LRP1B: variants seen among roughly 807,000 people sequenced by gnomAD.
The protein encoded by LRP1B is low-density lipoprotein receptor-related protein 1B.
LRP1B carries 217 observed loss-of-function variants against 556.6 expected under a neutral mutation model. The ratio of observed to expected loss-of-function variants is 0.39; its 90% confidence interval spans 0.35 to 0.44. LRP1B has a LOEUF of 0.44. LRP1B is among the 20% of genes least tolerant of loss of function. The pLI, the probability that LRP1B is intolerant of heterozygous loss-of-function variation, is 1.00. For synonymous variants in LRP1B, 2,047 were observed against 1,865.8 expected (o/e 1.10, Z -2.50); for missense variants, 5,053 against 5,620.8 (o/e 0.90, Z 3.23).
chr2:141,743,152 G>A (rs1478400129), intron 2 of LRP1B, among the ~76,000 whole-genome samples: 1 of 151,836 alleles, frequency 6.6e-6, no homozygotes, highest in African/African-American at 2.4e-5. Flanking sequence ...AAGGGATGTT[G>A]AATTTTATCA....
chr2:140,696,237 T>C (rs1220423914), intron 41 of LRP1B, among the ~76,000 whole-genome samples: 2 of 152,082 alleles, frequency 1.3e-5, no homozygotes, highest in Admixed American at 6.6e-5. Context: ...TTTTGAGGGT[T>C]TTAGTTTTGA....
intron 7 of LRP1B, among the ~76,000 whole-genome samples, chr2:141,180,177 C>A (rs965845712): frequency 2.0e-5 from 3 of 151,414 alleles, no homozygotes; most frequent in African/African-American, 4.8e-5. Context: ...ACTAGAATAA[C>A]CATATCTTCT....
chr2:141,083,934 AT>A (rs1193685248), intron 7 of LRP1B, among the ~76,000 whole-genome samples: 1 of 152,238 alleles, frequency 6.6e-6, no homozygotes, highest in East Asian at 1.9e-4. Flanking sequence ...GCAACAGAAA[AT>A]GAACTAAGAT....
chr2:141,304,594 C>T (rs1474835933), intron 3 of LRP1B, among the ~76,000 whole-genome samples: 1 of 150,946 alleles, frequency 6.6e-6, no homozygotes, highest in African/African-American at 2.4e-5. Context: ...ATTATCCTGC[C>T]TCAGCCTACT....
At position 141,035,373 on chromosome 2, in the gene LRP1B, T is replaced by A. The variant is rs561459824; in HGVS notation, c.1789+13613A>T. 9.6e-4 allele frequency among the ~76,000 whole-genome samples: 136 copies of A among 141,534 alleles called. 1 individual carries two copies. In the South Asian group the frequency reaches 0.027, roughly 28 times the overall value. 92.9% of individuals were successfully genotyped at this position (141,534 alleles called of 152,430 possible). ...AGTACAATAATAATAATAATAATAA[T>A]AAAAAAATCTTTTCAGTATTGTTAT... On this transcript the variant is annotated intron_variant, in intron 11 of 90. Coordinates refer to ENST00000389484, the MANE Select transcript of LRP1B (RefSeq NM_018557.3).
intron 1 of LRP1B, among the ~76,000 whole-genome samples, chr2:141,895,062 A>G (rs1558945937): frequency 1.3e-5 from 2 of 150,686 alleles, no homozygotes; most frequent in African/African-American, 4.9e-5. Context: ...AAAAAAAAAA[A>G]AAAAGAAAAG....
intron 82 of LRP1B, among the ~76,000 whole-genome samples, chr2:140,320,442 G>A (rs1680047542): frequency 6.6e-6 from 1 of 152,156 alleles, no homozygotes; most frequent in Non-Finnish European, 1.5e-5. Flanking sequence ...TGGAGATGCT[G>A]ACTGTGAGGG....
chr2:140,274,399 T>A (rs1682584229), intron 85 of LRP1B, 25 bp downstream of exon 85: 27 of 1,605,590 alleles, frequency 1.7e-5, no homozygotes, highest in Non-Finnish European at 2.2e-5. Context: ...AATGCTTTTA[T>A]AAATTAAGCT....
chr2:140,304,487 C>A (rs1683978122), intron 83 of LRP1B, among the ~76,000 whole-genome samples: 1 of 152,126 alleles, frequency 6.6e-6, no homozygotes, highest in South Asian at 2.1e-4. Context: ...ATATCCTTCA[C>A]CCAGTTTTTG....
chr2:141,311,895 G>A (rs1412155183), intron 3 of LRP1B, among the ~76,000 whole-genome samples: 1 of 152,136 alleles, frequency 6.6e-6, no homozygotes, highest in Non-Finnish European at 1.5e-5. Context: ...GTTGCTATGG[G>A]AAATACCCCA....
At chr2:140,939,545 G>T (rs1695331881) in intron 20 of LRP1B, among the ~76,000 whole-genome samples, 1 of 147,958 alleles carries the variant, frequency 6.8e-6, no homozygotes, top group South Asian at 2.1e-4. Flanking sequence ...AATTTAAATT[G>T]TAGGTCAATA....
Position 141,108,334 on chromosome 2 carries a change from C to CTTTTTTTTTTTTTTT in LRP1B, c.1014-46076_1014-46062dup, listed in dbSNP as rs60275697. 1.5e-4 allele frequency among the ~76,000 whole-genome samples: 13 copies of CTTTTTTTTTTTTTTT among 88,520 alleles called. 3 individuals are homozygous for CTTTTTTTTTTTTTTT. The highest frequency in any genetic ancestry group is 7.6e-4 in the South Asian group (2 of 2,638). 58.1% of individuals were successfully genotyped at this position (88,520 alleles called of 152,430 possible). A position where few individuals can be genotyped will look rare whatever the true frequency, so the allele number is the denominator to read the frequency against. ...ACAAAAATATGTTTATAATCTGTTT[C>CTTTTTTTTTTTTTTT]TTTTTTTTTTTTTTTTTTTTTTTTT... On this transcript the variant is annotated intron_variant, in intron 7 of 90. Coordinates refer to ENST00000389484, the MANE Select transcript of LRP1B (RefSeq NM_018557.3).
At chr2:140,352,925 G>A (rs1682039008) in intron 76 of LRP1B, 28 bp downstream of exon 76, 2 of 1,583,484 alleles carry the variant, frequency 1.3e-6, no homozygotes. Flanking sequence ...AATTGTAATA[G>A]GATTTGCAAT....
intron 83 of LRP1B, among the ~76,000 whole-genome samples, chr2:140,310,993 A>G (rs773679341): frequency 6.6e-6 from 1 of 151,892 alleles, no homozygotes; most frequent in Non-Finnish European, 1.5e-5. Context: ...ATCTTACATC[A>G]GTTAGAATGG....
At chr2:141,760,316 T>C (rs922443960) in intron 2 of LRP1B, among the ~76,000 whole-genome samples, 3 of 152,094 alleles carry the variant, frequency 2.0e-5, no homozygotes, top group East Asian at 3.9e-4. Context: ...TCATAAGTCA[T>C]TGTTAAGTAA....
chr2:141,649,371 G>A (rs1277321209), intron 2 of LRP1B, among the ~76,000 whole-genome samples: 1 of 152,104 alleles, frequency 6.6e-6, no homozygotes, highest in Non-Finnish European at 1.5e-5. Context: ...AAACCAAGAA[G>A]TAAAGTGTGA....
At chr2:142,078,618 C>T (rs1705597729) in intron 1 of LRP1B, among the ~76,000 whole-genome samples, 1 of 152,108 alleles carries the variant, frequency 6.6e-6, no homozygotes, top group Middle Eastern at 3.2e-3. Flanking sequence ...AGGGCTATTG[C>T]TTACATGGAG....
intron 41 of LRP1B, among the ~76,000 whole-genome samples, chr2:140,630,207 AC>A (rs1340069674): frequency 6.6e-6 from 1 of 152,182 alleles, no homozygotes; most frequent in African/African-American, 2.4e-5. Flanking sequence ...TGGCAATCTG[AC>A]TTTTAACAAG....
intron 89 of LRP1B, 189 bp from the exon 90 acceptor site, chr2:140,235,073 T>A: frequency 2.5e-6 from 1 of 400,954 alleles, no homozygotes; most frequent in East Asian, 3.7e-5. Flanking sequence ...TTATTAAAGA[T>A]CCAATATTAA....
Sources: gnomAD v4.1 joint callset for allele counts (sites outside exome capture counted in the v4.1 genomes callset) on GRCh38, gnomAD v4.1.1 for gene constraint, MANE v1.5 for transcripts, NCBI Gene and HGNC (gene_info 2026-07-23, HGNC 2026-07-21) for gene names.